C5: variants seen among roughly 807,000 people sequenced by gnomAD.
C5 encodes the protein complement C5.
C5 carries 140 observed loss-of-function variants against 218.8 expected under a neutral mutation model. That is an observed-to-expected ratio of 0.64 (90% CI 0.56 to 0.74). The LOEUF is 0.74. Ranked by LOEUF, C5 falls within the 30% of genes least tolerant of loss-of-function variation. The probability of loss-of-function intolerance (pLI) is 0.00; values close to 1 mark genes in which losing one functional copy is unlikely to be tolerated. For synonymous variants in C5, 614 were observed against 682.3 expected, an observed-to-expected ratio of 0.90 and a Z score of 1.56; for missense variants, 1,700 against 1,969.6, an observed-to-expected ratio of 0.86 and a Z score of 2.59.
In C5 at chr9:120,996,258, C is replaced by T; in HGVS notation, c.2833G>A (p.Asp945Asn). The T allele has an allele frequency of 6.2e-7, 1 of 1,611,456 alleles. No individual in the cohort carries two copies. The highest frequency in any genetic ancestry group is 8.5e-7 in the Non-Finnish European group (1 of 1,177,692). Residue 945 changes from aspartate to asparagine, a missense_variant, in exon 22 of 41, where the codon GAT (aspartate) becomes AAT (asparagine). By Grantham distance (23) the Asp-to-Asn change is conservative. Transcript: ENST00000223642. ...TGCCTACCATAAATACCCCTAGGAT[C>T]CAAAGTAACACCAGAATAGCTTTCC... ...KRESYSGVTLDPRGIYGTISR... is the reference protein window; with the variant it reads ...KRESYSGVTLNPRGIYGTISR...
intron 12 of C5, 31 bp downstream of exon 12, chr9:121,019,945 A>G (rs1008738639): frequency 1.5e-6 from 2 of 1,358,048 alleles, no homozygotes; most frequent in Non-Finnish European, 2.1e-6. Context: ...AGGTGGGGGA[A>G]TAAGATGTAA....
In C5 at chr9:120,961,476, G is replaced by A. The variant is rs529659789; in HGVS notation, c.4588+6C>T. 4.1e-5 allele frequency: 65 copies of A among 1,590,674 alleles called. No individual in the cohort carries two copies. In the Admixed American group the frequency reaches 9.5e-4, roughly 23 times the overall value. ...ATGCAGCCTAAATATGTTAAATAAA[G>A]TTTACCTTCTACACACTTGCACGCG... On this transcript the variant is annotated splice_donor_region_variant and intron_variant, in intron 37 of 40. Coordinates refer to ENST00000223642, the MANE Select transcript of C5 (RefSeq NM_001735.3).
At chr9:121,071,268 C>T in the C5 span, among the ~76,000 whole-genome samples, 1 of 151,956 alleles carries the variant, frequency 6.6e-6, no homozygotes, top group Non-Finnish European at 1.5e-5. Context: ...TGCAGTGAGC[C>T]ATGATCGTGC....
At position 120,982,792 on chromosome 9, in the gene C5, C is replaced by T. The variant is rs1489087391; in HGVS notation, c.3253G>A (p.Val1085Ile). Reference protein sequence around the residue: ...STWLTAFALRVLGQVNKYVEQ... With the variant: ...STWLTAFALRILGQVNKYVEQ... ...ACGTATTTATTTACTTGTCCAAGTA[C>T]TCTTAAAGCAAAAGCTGTTAACCTT... The change falls in exon 26 of 41, where the codon GTA becomes ATA. Residue 1085 changes from valine to isoleucine, a missense_variant. Coordinates refer to ENST00000223642, the MANE Select transcript of C5 (RefSeq NM_001735.3). 2 of 1,591,352 alleles carry T rather than the reference C, an allele frequency of 1.3e-6. No homozygotes were observed. Among genetic ancestry groups the T allele is most frequent in the East Asian group, 4.5e-5 (2 of 44,654 alleles).
intron 33 of C5, among the ~76,000 whole-genome samples, chr9:120,964,338 G>A (rs766195881): frequency 5.3e-5 from 8 of 152,104 alleles, no homozygotes; most frequent in Non-Finnish European, 1.0e-4. Flanking sequence ...AAAATTAGCC[G>A]GGCTTGGTGG....
At chr9:121,074,588 A>C in the C5 span, among the ~76,000 whole-genome samples, 2 of 152,194 alleles carry the variant, frequency 1.3e-5, no homozygotes, top group Non-Finnish European at 2.9e-5. Context: ...GAGGCCGGGG[A>C]GGCGCTGCGC....
At chr9:121,030,620 T>C in intron 6 of C5, 133 bp from the exon 7 acceptor site, 1 of 587,834 alleles carries the variant, frequency 1.7e-6, no homozygotes, top group Non-Finnish European at 3.1e-6. Flanking sequence ...ATTATCATAA[T>C]CATCATCGTC....
chr9:120,999,207 T>C (rs1348348230), intron 20 of C5, among the ~76,000 whole-genome samples: 1 of 152,196 alleles, frequency 6.6e-6, no homozygotes, highest in Non-Finnish European at 1.5e-5. Flanking sequence ...ATAGCTTATA[T>C]TGGGCAACCT....
At chr9:121,011,827 T>C (rs1015864739) in intron 17 of C5, among the ~76,000 whole-genome samples, 2 of 152,156 alleles carry the variant, frequency 1.3e-5, no homozygotes, top group African/African-American at 2.4e-5. Context: ...TTTGCAACAA[T>C]ATGGATGGAA....
the C5 span, chr9:121,074,643 C>T: frequency 2.7e-6 from 1 of 370,212 alleles, no homozygotes; most frequent in Admixed American, 3.4e-5. Context: ...AGAAGCGTGT[C>T]CGTGTTTCAG....
At position 121,046,333 on chromosome 9, in the gene C5, A is replaced by G. The variant is rs1228951703; in HGVS notation, c.116T>C (p.Ile39Thr). 16 of 1,612,608 alleles carry G rather than the reference A, an allele frequency of 9.9e-6. No homozygotes were observed. The highest frequency in any genetic ancestry group is 5.3e-5 in the African/African-American group (4 of 74,886). ...KIFRVGASEN[I>T]VIQVYGYTEA... ...AGTGTATCCATAAACTTGAATCACAATATTTTCAGATGCTCCAACACGGAA... is the reference window on the plus strand; with the variant it reads ...AGTGTATCCATAAACTTGAATCACAGTATTTTCAGATGCTCCAACACGGAA... Residue 39 changes from isoleucine to threonine, a missense_variant, in exon 2 of 41, where the codon ATT (isoleucine) becomes ACT (threonine). Transcript: ENST00000223642.
Position 120,961,484 on chromosome 9 carries a change from T to C in C5, c.4586A>G (p.Glu1529Gly). The change falls in exon 37 of 41, where the codon GAA becomes GGA. Residue 1529 changes from glutamate (E) to glycine (G), a missense_variant and splice_region_variant. Glu to Gly is a moderately conservative substitution (Grantham distance 98, BLOSUM62 -2). Coordinates refer to ENST00000223642, the MANE Select transcript of C5 (RefSeq NM_001735.3). ...TAAATATGTTAAATAAAGTTTACCT[T>C]CTACACACTTGCACGCGGCTCCTTC... ...VCEGAACKCVEADCGQMQEEL... is the reference protein window; with the variant it reads ...VCEGAACKCVGADCGQMQEEL... The C allele has an allele frequency of 2.5e-6, 4 of 1,602,312 alleles. No homozygotes were observed. Among genetic ancestry groups the C allele is most frequent in the Non-Finnish European group, 3.4e-6 (4 of 1,169,254 alleles).
intron 32 of C5, among the ~76,000 whole-genome samples, chr9:120,969,801 G>C (rs1274035721): frequency 6.6e-6 from 1 of 152,172 alleles, no homozygotes; most frequent in African/African-American, 2.4e-5. Flanking sequence ...GGTGATAAGA[G>C]AATTCAAGGT....
chr9:121,002,646 C>T (rs528664349), intron 20 of C5, among the ~76,000 whole-genome samples: 2 of 151,924 alleles, frequency 1.3e-5, no homozygotes, highest in Non-Finnish European at 2.9e-5. Context: ...AAGCCTCAAG[C>T]CCATCTTGAA....
the C5 span, among the ~76,000 whole-genome samples, chr9:121,057,729 A>C: frequency 1.3e-5 from 2 of 152,088 alleles, no homozygotes; most frequent in African/African-American, 4.8e-5. Context: ...GGACCAACAA[A>C]ACAAGCAGAA....
At chr9:120,955,823 C>T (rs2046780209) in intron 39 of C5, among the ~76,000 whole-genome samples, 1 of 151,930 alleles carries the variant, frequency 6.6e-6, no homozygotes, top group Non-Finnish European at 1.5e-5. Context: ...GAGAGGATCC[C>T]TTGAGCCTAG....
At position 121,046,395 on chromosome 9, in the gene C5, G is replaced by A; in HGVS notation, c.66-12C>T. On this transcript the variant is annotated splice_polypyrimidine_tract_variant and intron_variant, in intron 1 of 40. Coordinates refer to ENST00000223642, the MANE Select transcript of C5 (RefSeq NM_001735.3). Reference sequence around the variant, plus strand: ...CTGAAATGACATATCTGTTGAAAAAGGAAAAGATAAGGCTCAATGTCTTTA... The same window carrying A: ...CTGAAATGACATATCTGTTGAAAAAAGAAAAGATAAGGCTCAATGTCTTTA... 2 of 1,592,478 alleles carry A rather than the reference G, an allele frequency of 1.3e-6. No homozygotes were observed. The highest frequency in any genetic ancestry group is 1.7e-6 in the Non-Finnish European group (2 of 1,161,032).
Position 121,013,899 on chromosome 9 carries a change from T to C in C5, c.2231A>G (p.His744Arg). ...TAGCCTTCCCAATTGCATGTCTTTA[T>C]GAGAGATATTAGCACGGAGCTGGCT... ...VASQLRANIS[H>R]KDMQLGRLHM... The change falls in exon 17 of 41, where the codon CAT becomes CGT. Residue 744 changes from histidine (H) to arginine (R), a missense_variant. His to Arg is a conservative substitution (Grantham distance 29). Coordinates refer to ENST00000223642, the MANE Select transcript of C5 (RefSeq NM_001735.3). The C allele has an allele frequency of 6.2e-7, 1 of 1,614,176 alleles. No individual in the cohort carries two copies. Among genetic ancestry groups the C allele is most frequent in the Non-Finnish European group, 8.5e-7 (1 of 1,180,008 alleles).
chr9:121,056,853 AGAAAGATATGAATATCTAGG>A, the C5 span, among the ~76,000 whole-genome samples: 2 of 152,230 alleles, frequency 1.3e-5, no homozygotes, highest in African/African-American at 4.8e-5. Flanking sequence ...CCAAACCTAG[AGAAAGATATGAATATCTAGG>A]TACAAAAAAA....
Sources: allele counts gnomAD v4.1 joint callset (sites outside exome capture counted in the v4.1 genomes callset), GRCh38; gene constraint gnomAD v4.1.1; transcripts MANE v1.5; gene names NCBI Gene and HGNC (gene_info 2026-07-23, HGNC 2026-07-21).